The following NDUFAF6 variants were observed in gnomAD, a reference collection of about 807,000 sequenced individuals.
NDUFAF6 encodes NADH dehydrogenase (ubiquinone) complex I, assembly factor 6.
In NDUFAF6, 45 loss-of-function variants were observed where a neutral mutation model predicts 40.8. The observed-to-expected ratio is 1.10, with a 90% CI of 0.87 to 1.42. The LOEUF (loss-of-function observed/expected upper bound fraction) is 1.42, where lower values mean the gene tolerates loss of function less well. Among genes scored for constraint, NDUFAF6 ranks in the 40% most tolerant of loss-of-function variants. NDUFAF6 has a pLI of 0.00. For missense variants in NDUFAF6, 435 were observed against 418.5 expected (o/e 1.04, Z -0.34); for synonymous variants, 185 against 155.9 (o/e 1.19, Z -1.39).
intron 1 of NDUFAF6, among the ~76,000 whole-genome samples, chr8:94,958,711 G>A (rs113548776): frequency 0.019 from 2,945 of 151,604 alleles, 87 homozygotes; most frequent in African/African-American, 0.067. Context: ...GGGTTTTACC[G>A]TATTGACCAG....
intron 1 of NDUFAF6, among the ~76,000 whole-genome samples, chr8:94,973,850 G>A (rs1166888668): frequency 7.3e-6 from 1 of 136,760 alleles, no homozygotes; most frequent in Non-Finnish European, 1.6e-5. Flanking sequence ...CAAGACCCCT[G>A]TCTCTAAAAA....
chr8:95,056,820 C>A (rs1408428983), intron 8 of NDUFAF6, among the ~76,000 whole-genome samples: 1 of 151,064 alleles, frequency 6.6e-6, no homozygotes, highest in Non-Finnish European at 1.5e-5. Flanking sequence ...GCAGAAGAAT[C>A]GTTTGAACCC....
At chr8:95,046,959 A>C in intron 5 of NDUFAF6, 35 bp from the exon 6 acceptor site, 1 of 1,613,306 alleles carries the variant, frequency 6.2e-7, no homozygotes, top group Non-Finnish European at 8.5e-7. Context: ...ATGCACTTAG[A>C]ATAGAGCAGC....
upstream of NDUFAF6, among the ~76,000 whole-genome samples, chr8:94,954,039 A>G (rs1822859065): frequency 6.6e-6 from 1 of 151,928 alleles, no homozygotes. Flanking sequence ...TTAAATATCC[A>G]TTACATTTTG....
chr8:95,109,587 TAGAGAGAGAG>T (rs71695882), intron 4 of NDUFAF6, among the ~76,000 whole-genome samples: 43 of 141,818 alleles, frequency 3.0e-4, no homozygotes, highest in South Asian at 6.4e-4. Flanking sequence ...GATAGATAGA[TAGAGAGAGAG>T]AGAGAGAGAG....
chr8:95,078,662 A>AAAAATATATATATATATATATAT (rs545018367), downstream of NDUFAF6: 24 of 121,042 alleles, frequency 2.0e-4, no homozygotes, highest in African/African-American at 6.2e-4. Context: ...AAAAAAAAAA[A>AAAAATATATATATATATATATAT]ATATATATAT....
At chr8:95,110,498 T>C (rs910067836) in intron 4 of NDUFAF6, among the ~76,000 whole-genome samples, 1 of 152,222 alleles carries the variant, frequency 6.6e-6, no homozygotes, top group Admixed American at 6.5e-5. Context: ...CCAGGCACTA[T>C]TCTAAGTGCT....
At chr8:95,005,431 G>T (rs1670903639) in intron 2 of NDUFAF6, among the ~76,000 whole-genome samples, 1 of 150,094 alleles carries the variant, frequency 6.7e-6, no homozygotes, top group South Asian at 2.1e-4. Context: ...CCATTTTATG[G>T]AATCCTAGAA....
chr8:95,035,906 TCTGCCTAGCAGCAG>T lies in NDUFAF6; in HGVS notation c.420+333_420+346del, dbSNP rs138989530. 0.013 allele frequency among the ~76,000 whole-genome samples: 1,958 copies of T among 152,366 alleles called. 31 individuals are homozygous for T. The highest frequency in any genetic ancestry group is 0.044 in the African/African-American group (1,829 of 41,584). ...ATAGCAAGTAAAATGTTCTGTTCTCTCTGCCTAGCAGCAGCTCCTTATACCAGTGTTTTAATCCA... is the reference window on the plus strand; with the variant it reads ...ATAGCAAGTAAAATGTTCTGTTCTCTCTCCTTATACCAGTGTTTTAATCCA... On this transcript the variant is annotated intron_variant, in intron 3 of 8. Transcript: ENST00000396124.
chr8:94,967,552 TTTA>T (rs1824106045), intron 1 of NDUFAF6, among the ~76,000 whole-genome samples: 1 of 152,108 alleles, frequency 6.6e-6, no homozygotes, highest in Non-Finnish European at 1.5e-5. Context: ...ACAGCAAGTA[TTTA>T]TTATTTTACA....
downstream of NDUFAF6, among the ~76,000 whole-genome samples, chr8:95,060,987 C>T (rs946377466): frequency 1.3e-5 from 2 of 151,888 alleles, no homozygotes; most frequent in Non-Finnish European, 2.9e-5. Flanking sequence ...GTCAAGGTTT[C>T]CCAGAGGAGA....
chr8:95,063,785 A>G (rs747225289), intron 9 of NDUFAF6, among the ~76,000 whole-genome samples: 1 of 151,544 alleles, frequency 6.6e-6, no homozygotes, highest in Non-Finnish European at 1.5e-5. Context: ...AAACCTCAGG[A>G]TCTCTTTTAT....
At chr8:94,932,592 A>T (rs1389158829) in intron 1 of NDUFAF6, among the ~76,000 whole-genome samples, 1 of 152,036 alleles carries the variant, frequency 6.6e-6, no homozygotes, top group East Asian at 1.9e-4. Flanking sequence ...TCGTGAGGTC[A>T]GGAGATCAAG....
chr8:95,027,276 G>A (rs1051620136), intron 1 of NDUFAF6, among the ~76,000 whole-genome samples: 1 of 151,946 alleles, frequency 6.6e-6, no homozygotes, highest in Non-Finnish European at 1.5e-5. Flanking sequence ...ACTTGGGAAG[G>A]TTTCTTTAAG....
rs1306475459 is a variant in NDUFAF6, at chr8:95,041,627, G to C, written c.477+1G>C. ...GCTTATGAAAATCGTCGATGAAAGA[G>C]TGAGTCAAAATTGTTCAAGTCTTAA... On this transcript the variant is annotated splice_donor_variant, in intron 4 of 8. Transcript: ENST00000396124. LOFTEE classifies it high-confidence loss of function. 2.5e-6 allele frequency: 4 copies of C among 1,610,844 alleles called. No homozygotes were observed. The highest frequency in any genetic ancestry group is 3.4e-6 in the Non-Finnish European group (4 of 1,177,146).
intron 1 of NDUFAF6, among the ~76,000 whole-genome samples, chr8:94,907,937 C>T (rs1448546304): frequency 6.6e-6 from 1 of 152,208 alleles, no homozygotes; most frequent in Non-Finnish European, 1.5e-5. Context: ...TGCTGAATCT[C>T]CAGTACCTAA....
intron 2 of NDUFAF6, among the ~76,000 whole-genome samples, chr8:94,991,003 CACTT>C (rs748736201): frequency 6.6e-6 from 1 of 152,324 alleles, no homozygotes; most frequent in Non-Finnish European, 1.5e-5. Context: ...TACCTCTAGT[CACTT>C]ACTTGGACAT....
chr8:94,910,192 G>A lies in NDUFAF6; in HGVS notation c.-936+14265G>A, dbSNP rs1001837869. On this transcript the variant is annotated intron_variant, in intron 1 of 14. Transcript: ENST00000396113. ...TTATTGGAGATGGAGTCGCTCTGTC[G>A]CCTAGGCTGTAGTACAGTGGCACAA... 3.3e-5 allele frequency among the ~76,000 whole-genome samples: 5 copies of A among 151,984 alleles called. No individual in the cohort carries two copies. The East Asian group carries it at 5.8e-4, about 18-fold the overall frequency.
intron 8 of NDUFAF6, chr8:95,055,257 G>A (rs1831978748): frequency 6.6e-6 from 1 of 152,138 alleles, no homozygotes; most frequent in African/African-American, 2.4e-5. Flanking sequence ...GAATGATACA[G>A]AGAAGATTAG....
Sources: allele counts gnomAD v4.1 joint callset (sites outside exome capture counted in the v4.1 genomes callset), GRCh38; gene constraint gnomAD v4.1.1; transcripts MANE v1.5; gene names NCBI Gene and HGNC (gene_info 2026-07-23, HGNC 2026-07-21).